ZFHX4: variants seen among roughly 807,000 people sequenced by gnomAD.
ZFHX4 encodes zinc finger homeobox 4.
In ZFHX4, 56 loss-of-function variants were observed where a neutral mutation model predicts 267.6. The ratio of observed to expected loss-of-function variants is 0.21; its 90% confidence interval spans 0.17 to 0.26. ZFHX4 has a LOEUF of 0.26. Ranked by LOEUF, ZFHX4 falls within the 10% of genes least tolerant of loss-of-function variation. The pLI, the probability that ZFHX4 is intolerant of heterozygous loss-of-function variation, is 1.00. For missense variants in ZFHX4, 4,332 were observed against 4,420.0 expected, an observed-to-expected ratio of 0.98 and a Z score of 0.56; for synonymous variants, 1,778 against 1,665.6, an observed-to-expected ratio of 1.07 and a Z score of -1.64.
At chr8:76,746,279 C>T (rs903705751) in intron 3 of ZFHX4, among the ~76,000 whole-genome samples, 24 of 152,214 alleles carry the variant, frequency 1.6e-4, no homozygotes, top group African/African-American at 4.6e-4. Context: ...TGGTTGTGCA[C>T]GCCTAGTCCC....
chr8:76,744,280 A>G (rs1407987719), intron 3 of ZFHX4, among the ~76,000 whole-genome samples: 1 of 151,782 alleles, frequency 6.6e-6, no homozygotes, highest in African/African-American at 2.4e-5. Flanking sequence ...CAGGAGGCGG[A>G]GGTTGCGGGG....
chr8:76,765,870 C>T (rs1810038002), intron 3 of ZFHX4, among the ~76,000 whole-genome samples: 2 of 152,052 alleles, frequency 1.3e-5, no homozygotes, highest in Admixed American at 1.3e-4. Flanking sequence ...TTAGATGTTT[C>T]ATTCAAGACC....
intron 4 of ZFHX4, among the ~76,000 whole-genome samples, chr8:76,796,454 G>A (rs1810982145): frequency 6.6e-6 from 1 of 152,126 alleles, no homozygotes; most frequent in Non-Finnish European, 1.5e-5. Flanking sequence ...CTTTATTACA[G>A]ATACAAATTG....
At chr8:76,802,667 A>G (rs1248714510) in intron 4 of ZFHX4, among the ~76,000 whole-genome samples, 1 of 152,172 alleles carries the variant, frequency 6.6e-6, no homozygotes, top group African/African-American at 2.4e-5. Context: ...ATATGACTTT[A>G]CAAAGTTTGG....
rs374845482 is a variant in ZFHX4 at position 76,704,566 on chromosome 8, C to T, written c.478C>T (p.Leu160Phe). 4.7e-5 allele frequency: 76 copies of T among 1,613,856 alleles called. No individual in the cohort carries two copies. Among genetic ancestry groups the T allele is most frequent in the Non-Finnish European group, 6.1e-5 (72 of 1,179,868 alleles). The part of the protein sequence containing the change: ...QNAQTGANSK[L>F]FSTAMFLDSL... ...TGCACAGACTGGGGCAAATAGCAAA[C>T]TCTTTTCTACAGCGATGTTCCTGGA... Residue 160 changes from leucine (L) to phenylalanine (F), a missense_variant, in exon 2 of 11, where the codon CTC becomes TTC. By Grantham distance (22) the Leu-to-Phe change is conservative. Around this residue, in one of 7 missense-constraint regions of ZFHX4, gnomAD observed 1,195 missense variants for 1,173.6 expected, o/e 1.02. Coordinates refer to ENST00000651372, the MANE Select transcript of ZFHX4 (RefSeq NM_024721.5).
intron 4 of ZFHX4, among the ~76,000 whole-genome samples, chr8:76,802,593 G>A (rs987045402): frequency 2.0e-5 from 3 of 152,162 alleles, no homozygotes; most frequent in Non-Finnish European, 2.9e-5. Context: ...GCCATTAAAG[G>A]AATATGGTTT....
At chr8:76,838,484 A>G (rs995017616) in intron 5 of ZFHX4, among the ~76,000 whole-genome samples, 1 of 152,154 alleles carries the variant, frequency 6.6e-6, no homozygotes, top group Non-Finnish European at 1.5e-5. Flanking sequence ...GAGTCACTGG[A>G]AGATTTTAAG....
Position 76,850,982 on chromosome 8 carries a change from C to T in ZFHX4, c.4061C>T (p.Pro1354Leu), listed in dbSNP as rs759299398. Residue 1354 changes from proline to leucine, a missense_variant, in exon 10 of 11, where the codon CCC becomes CTC. Physicochemically the swap from Pro to Leu is moderately conservative, Grantham distance 98 (BLOSUM62 -3). Around this residue, in one of 7 missense-constraint regions of ZFHX4, gnomAD observed 1,371 missense variants for 1,423.1 expected, o/e 0.96. Coordinates refer to ENST00000651372, the MANE Select transcript of ZFHX4 (RefSeq NM_024721.5). ...GAGGAGCAGAAACCGACTAAAGAAC[C>T]CTTGGAAGTCTCAGAATGGAATAAA... ...KNEEQKPTKE[P>L]LEVSEWNKNS... 1.5e-5 allele frequency: 24 copies of T among 1,613,670 alleles called. 1 individual carries two copies. The South Asian group carries it at 2.5e-4, about 17-fold the overall frequency.
intron 3 of ZFHX4, among the ~76,000 whole-genome samples, chr8:76,715,975 G>C (rs1036006564): frequency 2.6e-5 from 4 of 152,140 alleles, no homozygotes; most frequent in Non-Finnish European, 5.9e-5. Context: ...GTAGTGCAGA[G>C]AAAGGTTATG....
At chr8:76,725,945 T>A (rs1490907929) in intron 3 of ZFHX4, among the ~76,000 whole-genome samples, 1 of 152,104 alleles carries the variant, frequency 6.6e-6, no homozygotes, top group Non-Finnish European at 1.5e-5. Context: ...ATTAATAGAT[T>A]TGTGTTGCTT....
Position 76,851,384 on chromosome 8 carries a change from A to G in ZFHX4, c.4463A>G (p.Glu1488Gly). The change falls in exon 10 of 11, where the codon GAG (glutamate) becomes GGG (glycine). Residue 1488 changes from glutamate (E) to glycine (G), a missense_variant. Physicochemically the swap from Glu to Gly is moderately conservative, Grantham distance 98. Coordinates refer to ENST00000651372, the MANE Select transcript of ZFHX4 (RefSeq NM_024721.5). ...GACCATGGCCTAGAGCAGGAAATGG[A>G]GAGAGAGTATGAGGTGGACCACGAA... Reference protein sequence around the residue: ...QDDHGLEQEMEREYEVDHEGK... With the variant: ...QDDHGLEQEMGREYEVDHEGK... 6.2e-7 allele frequency: 1 copy of G among 1,613,848 alleles called. No individual in the cohort carries two copies. The highest frequency in any genetic ancestry group is 8.5e-7 in the Non-Finnish European group (1 of 1,179,850).
intron 3 of ZFHX4, among the ~76,000 whole-genome samples, chr8:76,735,674 A>C (rs1182233699): frequency 6.6e-6 from 1 of 152,132 alleles, no homozygotes; most frequent in Admixed American, 6.6e-5. Context: ...GATTCTGCAT[A>C]AGTGAAGAAT....
intron 1 of ZFHX4, among the ~76,000 whole-genome samples, chr8:76,700,268 G>A (rs1415862461): frequency 6.6e-6 from 1 of 152,082 alleles, no homozygotes; most frequent in East Asian, 1.9e-4. Context: ...AATAGGCTAA[G>A]GAGCCCACTG....
chr8:76,843,345 G>A (rs904881914), intron 6 of ZFHX4, among the ~76,000 whole-genome samples: 1 of 152,106 alleles, frequency 6.6e-6, no homozygotes, highest in South Asian at 2.1e-4. Context: ...CTAAGAAAGA[G>A]GAAATATCAT....
chr8:76,854,600 C>G lies in ZFHX4; in HGVS notation c.7679C>G (p.Pro2560Arg), dbSNP rs759094514. 6.2e-7 allele frequency: 1 copy of G among 1,613,724 alleles called. No individual in the cohort carries two copies. Among genetic ancestry groups the G allele is most frequent in the Non-Finnish European group, 8.5e-7 (1 of 1,179,852 alleles). The change falls in exon 10 of 11, where the codon CCC becomes CGC. Residue 2560 changes from proline to arginine, a missense_variant. Pro to Arg is a moderately radical substitution (Grantham distance 103). Transcript: ENST00000651372. Reference sequence around the variant, plus strand: ...CTGGGCAGTTCCCTCACTCAAATGCCCCCTCAGGCCAGTTCCTCCCACACC... The same window carrying G: ...CTGGGCAGTTCCCTCACTCAAATGCGCCCTCAGGCCAGTTCCTCCCACACC... ...QLLGSSLTQM[P>R]PQASSSHTTA...
chr8:76,730,998 A>C (rs554096227), intron 3 of ZFHX4, among the ~76,000 whole-genome samples: 4 of 152,212 alleles, frequency 2.6e-5, no homozygotes, highest in African/African-American at 9.6e-5. Flanking sequence ...GATCATACAG[A>C]TATTTGAGGA....
chr8:76,765,430 CT>C (rs1054478655), intron 3 of ZFHX4, among the ~76,000 whole-genome samples: 8 of 152,094 alleles, frequency 5.3e-5, no homozygotes, highest in Non-Finnish European at 8.8e-5. Context: ...GTTTATGCCT[CT>C]TTTTTTCTGG....
chr8:76,839,760 A>G (rs979934), intron 5 of ZFHX4, among the ~76,000 whole-genome samples: 41,779 of 152,054 alleles, frequency 0.27, 6,079 homozygotes, highest in African/African-American at 0.37. Context: ...TATTTAGTAC[A>G]TTTAGTTTTA....
At chr8:76,682,138 T>C (rs950671582) in intron 1 of ZFHX4, among the ~76,000 whole-genome samples, 1 of 152,154 alleles carries the variant, frequency 6.6e-6, no homozygotes, top group Admixed American at 6.5e-5. Context: ...TGCACCCCGA[T>C]CGGGATGACT....
Sources: allele counts gnomAD v4.1 joint callset (sites outside exome capture counted in the v4.1 genomes callset), GRCh38; gene constraint gnomAD v4.1.1; regional missense constraint gnomAD v4.1.1; transcripts MANE v1.5; gene names NCBI Gene and HGNC (gene_info 2026-07-23, HGNC 2026-07-21).